The following PCDH15 variants were observed in gnomAD, a reference collection of about 807,000 sequenced individuals.
PCDH15 encodes protocadherin related 15, also known as protocadherin-15.
Under a neutral mutation model 178.5 loss-of-function variants are expected in PCDH15, and 129 were observed. The ratio of observed to expected loss-of-function variants is 0.72; its 90% CI spans 0.63 to 0.84. The LOEUF is 0.84. PCDH15 is among the 40% of genes least tolerant of loss of function. The pLI is 0.00. For synonymous variants in PCDH15, 800 were observed against 732.0 expected (o/e 1.09, Z -1.50); for missense variants, 2,230 against 2,099.9 (o/e 1.06, Z -1.21).
At chr10:54,686,020 T>A (rs1025081805) in intron 1 of PCDH15, among the ~76,000 whole-genome samples, 1 of 149,068 alleles carries the variant, frequency 6.7e-6, no homozygotes, top group Non-Finnish European at 1.5e-5. Context: ...GAAATCCAAA[T>A]CCAAGGGAGC....
chr10:55,407,760 G>T (rs923527623), intron 2 of PCDH15, among the ~76,000 whole-genome samples: 1 of 152,152 alleles, frequency 6.6e-6, no homozygotes, highest in African/African-American at 2.4e-5. Flanking sequence ...GCATTTCTTA[G>T]AAAGGAGAAG....
chr10:54,846,910 T>C (rs982793534), intron 3 of PCDH15, among the ~76,000 whole-genome samples: 2 of 152,186 alleles, frequency 1.3e-5, no homozygotes, highest in Non-Finnish European at 2.9e-5. Flanking sequence ...GAGTACGATA[T>C]AAGGTACATA....
At chr10:55,360,421 T>A (rs1403378695) in intron 2 of PCDH15, among the ~76,000 whole-genome samples, 2 of 151,756 alleles carry the variant, frequency 1.3e-5, no homozygotes, top group African/African-American at 4.8e-5. Flanking sequence ...TTAACATAAT[T>A]AAGAGACCAT....
intron 13 of PCDH15, among the ~76,000 whole-genome samples, chr10:54,156,435 G>A (rs912264864): frequency 6.6e-6 from 1 of 152,160 alleles, no homozygotes; most frequent in African/African-American, 2.4e-5. Flanking sequence ...TGTGGCGGCA[G>A]ACAAGAGAAG....
In PCDH15 at chr10:54,478,334, G is replaced by A. The variant is rs973713371; in HGVS notation, c.157+49478C>T. Among the ~76,000 whole-genome samples, 4 of 152,048 alleles carry A rather than the reference G, an allele frequency of 2.6e-5. No homozygotes were observed. The South Asian group carries it at 8.3e-4, about 32-fold the overall frequency. On this transcript the variant is annotated intron_variant, in intron 3 of 37. Coordinates refer to ENST00000644397, the MANE Select transcript of PCDH15 (RefSeq NM_001384140.1). ...ACAGAGAAAAAGTTTACTAAAACAG[G>A]TCCTAAGGAAAAAGACTTTGAAACC...
chr10:54,983,989 A>G (rs1419419926), intron 2 of PCDH15, among the ~76,000 whole-genome samples: 2 of 152,200 alleles, frequency 1.3e-5, no homozygotes, highest in Non-Finnish European at 2.9e-5. Flanking sequence ...CCAAGGATTG[A>G]GGAAATGAGG....
intron 13 of PCDH15, among the ~76,000 whole-genome samples, chr10:54,155,397 T>C (rs2045005383): frequency 6.6e-6 from 1 of 152,116 alleles, no homozygotes; most frequent in African/African-American, 2.4e-5. Context: ...GGAACACAAT[T>C]AGCTCTGCAG....
At chr10:55,309,507 C>T (rs528087083) in intron 1 of PCDH15, among the ~76,000 whole-genome samples, 2 of 148,258 alleles carry the variant, frequency 1.3e-5, no homozygotes, top group Admixed American at 6.7e-5. Context: ...GACAACAGAA[C>T]GAGACCTTAT....
chr10:54,210,975 A>T (rs6481069), intron 10 of PCDH15, among the ~76,000 whole-genome samples: 137,815 of 152,150 alleles, frequency 0.91, 62,624 homozygotes, highest in East Asian at 0.98. Context: ...AAATTATTCA[A>T]AATTTATCCA....
At chr10:54,395,405 CTGTCTA>C (rs972006123) in intron 3 of PCDH15, among the ~76,000 whole-genome samples, 1 of 145,538 alleles carries the variant, frequency 6.9e-6, no homozygotes, top group African/African-American at 2.5e-5. Context: ...ACTATTATTC[CTGTCTA>C]TCTCTATGTG....
chr10:54,278,398 G>A (rs1237832472), intron 8 of PCDH15, among the ~76,000 whole-genome samples: 1 of 151,400 alleles, frequency 6.6e-6, no homozygotes, highest in Non-Finnish European at 1.5e-5. Context: ...TAGCCATAAC[G>A]CTTTAATAAC....
chr10:55,202,688 A>C (rs1455771109), intron 1 of PCDH15, among the ~76,000 whole-genome samples: 4 of 152,102 alleles, frequency 2.6e-5, no homozygotes, highest in African/African-American at 9.7e-5. Flanking sequence ...TTTATCTTGA[A>C]TAGTAATCCC....
intron 14 of PCDH15, among the ~76,000 whole-genome samples, chr10:54,145,778 A>AT (rs1322526694): frequency 6.6e-6 from 1 of 152,138 alleles, no homozygotes; most frequent in East Asian, 1.9e-4. Flanking sequence ...CTCATGGGCT[A>AT]TATCTGTTGA....
chr10:54,424,049 A>C (rs528295577), intron 3 of PCDH15, among the ~76,000 whole-genome samples: 3 of 151,924 alleles, frequency 2.0e-5, no homozygotes, highest in Non-Finnish European at 4.4e-5. Context: ...CTGCACAGCA[A>C]AAGAAACTAC....
intron 18 of PCDH15, among the ~76,000 whole-genome samples, chr10:54,023,728 A>G (rs956667766): frequency 1.3e-5 from 2 of 151,230 alleles, no homozygotes; most frequent in Non-Finnish European, 3.0e-5. Flanking sequence ...CATATTTACC[A>G]TAAATAATAT....
At chr10:55,140,943 T>C (rs1838337058) in intron 2 of PCDH15, among the ~76,000 whole-genome samples, 1 of 152,016 alleles carries the variant, frequency 6.6e-6, no homozygotes, top group African/African-American at 2.4e-5. Flanking sequence ...TATACTCTTT[T>C]TCATTCCTGA....
At chr10:53,811,778 T>C (rs569390475) in intron 35 of PCDH15, among the ~76,000 whole-genome samples, 159 bp from the exon 36 acceptor site, 1 of 152,318 alleles carries the variant, frequency 6.6e-6, no homozygotes, top group South Asian at 2.1e-4. Flanking sequence ...ATTACTCTAT[T>C]TAAAAGTGTT....
At chr10:53,988,348 G>T (rs1026683655) in intron 21 of PCDH15, among the ~76,000 whole-genome samples, 1 of 152,144 alleles carries the variant, frequency 6.6e-6, no homozygotes, top group African/African-American at 2.4e-5. Flanking sequence ...ACCTGAGGCC[G>T]AGGGGATGGG....
intron 3 of PCDH15, among the ~76,000 whole-genome samples, chr10:54,400,229 G>A (rs1951764607): frequency 6.6e-6 from 1 of 152,096 alleles, no homozygotes; most frequent in Non-Finnish European, 1.5e-5. Context: ...AGGAATACAT[G>A]TGTAATGTCC....
Sources: allele counts gnomAD v4.1 joint callset (sites outside exome capture counted in the v4.1 genomes callset), GRCh38; gene constraint gnomAD v4.1.1; transcripts MANE v1.5; gene names NCBI Gene and HGNC (gene_info 2026-07-23, HGNC 2026-07-21).